The following C1QTNF6 variants were observed in gnomAD, a reference collection of about 807,000 sequenced individuals.
C1QTNF6 encodes the protein complement C1q tumor necrosis factor-related protein 6.
C1QTNF6 carries 17 observed loss-of-function variants against 20.7 expected under a neutral mutation model. The observed-to-expected ratio is 0.82, with a 90% CI of 0.56 to 1.23. The LOEUF is 1.23. C1QTNF6 is among the 50% of genes most tolerant of loss of function. The pLI is 0.00. For missense variants in C1QTNF6, 329 were observed against 389.7 expected (o/e 0.84, Z 1.31); for synonymous variants, 130 against 156.3 (o/e 0.83, Z 1.25).
At chr22:37,191,592 C>A (rs1454002430), upstream of C1QTNF6, 2 of 152,072 alleles carry the variant, frequency 1.3e-5, no homozygotes, top group Admixed American at 1.3e-4. Context: ...TACAAAATAG[C>A]ATCCCAGGTC....
chr22:37,182,950 C>T (rs932099648), intron 2 of C1QTNF6: 1 of 1,421,034 alleles, frequency 7.0e-7, no homozygotes, highest in Non-Finnish European at 9.2e-7. Context: ...GTGAGTGACT[C>T]ACCCCGGGCC....
At chr22:37,186,544 T>C (rs781530864) in intron 1 of C1QTNF6, among the ~76,000 whole-genome samples, 1 of 152,164 alleles carries the variant, frequency 6.6e-6, no homozygotes, top group Non-Finnish European at 1.5e-5. Flanking sequence ...GTGTAAGTGT[T>C]GGTGAGGATC....
Position 37,182,911 on chromosome 22 carries a change from A to G in C1QTNF6, c.290-176T>C, listed in dbSNP as rs552710378. On this transcript the variant is annotated intron_variant, in intron 2 of 2. Transcript: ENST00000337843. ...CCCCACATGCCTGCCTAAAGAAAAC[A>G]TCATGACCGTCTTCACTTCACAGAG... 2.8e-6 allele frequency: 4 copies of G among 1,433,868 alleles called. No individual in the cohort carries two copies. The Admixed American group carries it at 1.2e-4, about 42-fold the overall frequency. 88.8% of individuals were successfully genotyped at this position (1,433,868 alleles called of 1,614,324 possible). A position where few individuals can be genotyped will look rare whatever the true frequency, so the allele number is the denominator to read the frequency against.
In C1QTNF6 at chr22:37,182,009, G is replaced by A; in HGVS notation, c.*179C>T. On this transcript the variant is annotated 3_prime_UTR_variant, in exon 3 of 3. Coordinates refer to ENST00000337843, the MANE Select transcript of C1QTNF6 (RefSeq NM_031910.4). ...CTTAAAATAGGTCCAAGAGAGAAGA[G>A]AGGAGCAGAAATAGGCTGGGAGGGA... The A allele has an allele frequency of 3.0e-6, 2 of 660,406 alleles. No homozygotes were observed. Among genetic ancestry groups the A allele is most frequent in the Non-Finnish European group, 5.1e-6 (2 of 395,560 alleles). 40.9% of individuals were successfully genotyped at this position (660,406 alleles called of 1,614,324 possible). A position where few individuals can be genotyped will look rare whatever the true frequency, so the allele number is the denominator to read the frequency against.
chr22:37,188,850 G>A (rs1163195286), upstream of C1QTNF6, among the ~76,000 whole-genome samples: 5 of 152,232 alleles, frequency 3.3e-5, no homozygotes, highest in African/African-American at 1.2e-4. Context: ...TTACCAGAGA[G>A]GGGTACTGAT....
chr22:37,199,346 C>G (rs1925350008), upstream of C1QTNF6: 1 of 152,348 alleles, frequency 6.6e-6, no homozygotes, highest in African/African-American at 2.4e-5. Context: ...GCCACGGGCC[C>G]GAGGGACGAG....
At chr22:37,198,054 T>C (rs529494057), upstream of C1QTNF6, 419 of 152,366 alleles carry the variant, frequency 2.7e-3, 7 homozygotes, top group Non-Finnish European at 1.2e-3. Flanking sequence ...CTGTGTGCCC[T>C]TTCCCAGGCA....
chr22:37,183,503 T>G (rs1377612999), intron 2 of C1QTNF6, among the ~76,000 whole-genome samples: 2 of 152,226 alleles, frequency 1.3e-5, no homozygotes, highest in Non-Finnish European at 2.9e-5. Flanking sequence ...CCAGGCTGAC[T>G]TTCAACATAA....
upstream of C1QTNF6, chr22:37,188,261 C>A: frequency 6.7e-7 from 1 of 1,502,820 alleles, no homozygotes; most frequent in Non-Finnish European, 9.1e-7. Context: ...TTGTTGCTGG[C>A]CCAGACCCCC....
rs10854698 is a variant in C1QTNF6 at position 37,184,098 on chromosome 22, T to C, written c.289+1120A>G. Among the ~76,000 whole-genome samples the C allele has an allele frequency of 0.34, 52,302 of 151,830 alleles. 10,197 individuals carry two copies. Among genetic ancestry groups the C allele is most frequent in the Non-Finnish European group, 0.46 (31,204 of 67,886 alleles). Reference sequence around the variant, plus strand: ...GCAGCCAGGCACCTCTCCAACCTCATGCAGAGAGCTAAGTCAGCCCTGGGG... The same window carrying C: ...GCAGCCAGGCACCTCTCCAACCTCACGCAGAGAGCTAAGTCAGCCCTGGGG... On this transcript the variant is annotated intron_variant, in intron 2 of 2. Coordinates refer to ENST00000337843, the MANE Select transcript of C1QTNF6 (RefSeq NM_031910.4). The surrounding 1 kb of genome is among the most constrained non-coding windows in gnomAD (Gnocchi z 4.0).
In C1QTNF6 at chr22:37,180,489, AG is replaced by A. The variant is rs1184885354; in HGVS notation, c.*1698del. On this transcript the variant is annotated 3_prime_UTR_variant, in exon 3 of 3. Coordinates refer to ENST00000337843, the MANE Select transcript of C1QTNF6 (RefSeq NM_031910.4). ...CCTGGAAGAAGAAACGGAAGGCCTG[AG>A]GTCCCTCCTTTGCTCTAGCTCCCCA... is the stretch of plus-strand genomic sequence containing the variant. 1 of 152,780 alleles carries A rather than the reference AG, an allele frequency of 6.5e-6. No individual in the cohort carries two copies. Among genetic ancestry groups the A allele is most frequent in the East Asian group, 1.9e-4 (1 of 5,192 alleles). The allele number at this position is 152,780 out of a possible 1,614,324, so 9.5% of individuals were successfully genotyped here.
intron 1 of C1QTNF6, 117 bp downstream of exon 1, chr22:37,188,046 T>A: frequency 9.4e-7 from 1 of 1,068,756 alleles, no homozygotes; most frequent in Non-Finnish European, 1.3e-6. Flanking sequence ...CTGGAGAGGC[T>A]GTCCCAGTCA....
chr22:37,192,307 C>A (rs908195441), upstream of C1QTNF6, among the ~76,000 whole-genome samples: 5 of 152,222 alleles, frequency 3.3e-5, no homozygotes, highest in African/African-American at 1.2e-4. Flanking sequence ...TAACTCTTAG[C>A]AACTTTTATT....
chr22:37,188,315 G>A (rs1924560345), upstream of C1QTNF6: 5 of 1,076,994 alleles, frequency 4.6e-6, no homozygotes, highest in South Asian at 6.8e-5. Context: ...GAGGGAGAGA[G>A]GGCGGAGGGA....
chr22:37,196,191 G>C (rs1925123129), intron 1 of C1QTNF6: 1 of 152,282 alleles, frequency 6.6e-6, no homozygotes, highest in African/African-American at 2.4e-5. Context: ...CTGGAATTCT[G>C]CCATTGTTAC....
upstream of C1QTNF6, among the ~76,000 whole-genome samples, chr22:37,189,353 C>A (rs1050284852): frequency 6.6e-6 from 1 of 152,148 alleles, no homozygotes; most frequent in Non-Finnish European, 1.5e-5. Context: ...ACCAGTCCTG[C>A]CAACTTCCTA....
At position 37,181,911 on chromosome 22, in the gene C1QTNF6, A is replaced by C. The variant is rs909435670; in HGVS notation, c.*277T>G. 1 of 468,708 alleles carries C rather than the reference A, an allele frequency of 2.1e-6. No individual in the cohort carries two copies. The highest frequency in any genetic ancestry group is 3.8e-6 in the Non-Finnish European group (1 of 261,750). The allele number at this position is 468,708 out of a possible 1,614,324, so 29.0% of individuals were successfully genotyped here. ...TTAACACGAACCCCGGGTGATTCGC[A>C]TGCATTTCCAAGTTTGAGAAGTGCT... On this transcript the variant is annotated 3_prime_UTR_variant, in exon 3 of 3. Transcript: ENST00000337843.
upstream of C1QTNF6, chr22:37,188,455 G>T: frequency 2.3e-6 from 1 of 428,178 alleles, no homozygotes. Context: ...TGATCCAGTG[G>T]GGTCTTGCTT....
rs1924068864 is a variant in C1QTNF6 at position 37,184,291 on chromosome 22, C to G, written c.289+927G>C. On this transcript the variant is annotated intron_variant, in intron 2 of 2. Coordinates refer to ENST00000337843, the MANE Select transcript of C1QTNF6 (RefSeq NM_031910.4). The surrounding 1 kb of genome is among the most constrained non-coding windows in gnomAD (Gnocchi z 4.0). ...CTGACAGCTGTGTGGCCCCAGGAGA[C>G]TGGGTTTCCCCATCTGCAAAGTGGG... 1.4e-6 allele frequency: 1 copy of G among 709,198 alleles called. No individual in the cohort carries two copies. Among genetic ancestry groups the G allele is most frequent in the Non-Finnish European group, 2.6e-6 (1 of 379,464 alleles). 43.9% of individuals were successfully genotyped at this position (709,198 alleles called of 1,614,324 possible). A position where few individuals can be genotyped will look rare whatever the true frequency, so the allele number is the denominator to read the frequency against.
Sources: gnomAD v4.1 joint callset for allele counts (sites outside exome capture counted in the v4.1 genomes callset) on GRCh38, gnomAD v4.1.1 for gene constraint, Gnocchi (gnomAD v3.1) non-coding constraint, MANE v1.5 for transcripts, NCBI Gene and HGNC (gene_info 2026-07-23, HGNC 2026-07-21) for gene names.